ZBTB16: variants seen among roughly 807,000 people sequenced by gnomAD.
ZBTB16 encodes zinc finger and BTB domain containing 16, also known as zinc finger and BTB domain-containing protein 16.
A neutral mutation model predicts 56.8 loss-of-function variants in ZBTB16; 8 were observed. The observed-to-expected ratio is 0.14, with a 90% confidence interval of 0.08 to 0.25. ZBTB16 has a LOEUF of 0.25. Ranked by LOEUF, ZBTB16 falls within the 10% of genes least tolerant of loss-of-function variation. The pLI, the probability that ZBTB16 is intolerant of heterozygous loss-of-function variation, is 1.00. For missense variants in ZBTB16, 625 were observed against 903.0 expected (o/e 0.69, Z 3.95); for synonymous variants, 363 against 368.5 (o/e 0.98, Z 0.17).
chr11:114,232,750 C>T (rs553623279), intron 4 of ZBTB16, among the ~76,000 whole-genome samples: 2 of 149,996 alleles, frequency 1.3e-5, no homozygotes, highest in South Asian at 4.2e-4. Flanking sequence ...TGGGGGCCCC[C>T]GTGGTGCCAG....
At chr11:114,163,201 C>T (rs1471314086) in intron 3 of ZBTB16, among the ~76,000 whole-genome samples, 3 of 145,800 alleles carry the variant, frequency 2.1e-5, no homozygotes, top group African/African-American at 7.5e-5. Flanking sequence ...TCAGTCCCCC[C>T]CCAACCCCAC....
In ZBTB16 at chr11:114,092,169, C is replaced by T. The variant is rs576394368; in HGVS notation, c.1268+27601C>T. Reference sequence around the variant, plus strand: ...CACGGCCTCACTGAAACAGGAGACCCGAGAGGCTCCGGTGAAAGGGCACTG... The same window carrying T: ...CACGGCCTCACTGAAACAGGAGACCTGAGAGGCTCCGGTGAAAGGGCACTG... On this transcript the variant is annotated intron_variant, in intron 2 of 6. Transcript: ENST00000335953. Among the ~76,000 whole-genome samples the T allele has an allele frequency of 3.9e-5, 6 of 152,308 alleles. No homozygotes were observed. The South Asian group carries it at 6.2e-4, about 16-fold the overall frequency.
In ZBTB16 at chr11:114,064,372, G is replaced by A. The variant is rs142709090; in HGVS notation, c.1072G>A (p.Val358Met). The A allele has an allele frequency of 1.7e-3, 2,692 of 1,614,036 alleles. 5 individuals carry two copies. Among genetic ancestry groups the A allele is most frequent in the Non-Finnish European group, 2.0e-3 (2,388 of 1,180,022 alleles). Residue 358 changes from valine to methionine, a missense_variant, in exon 2 of 7, where the codon GTG becomes ATG. Coordinates refer to ENST00000335953, the MANE Select transcript of ZBTB16 (RefSeq NM_006006.6). This position sits in a 1 kb window ranked among gnomAD's most constrained non-coding sequence, Gnocchi z 4.2. ...MPSSVTSGLH[V>M]QPALAVSMDF... ...GTCTTCCGTGACCTCTGGCCTCCAC[G>A]TGCAGCCTGCCCTGGCTGTCTCCAT...
chr11:114,077,658 C>G (rs145237519), intron 2 of ZBTB16, among the ~76,000 whole-genome samples: 13 of 152,306 alleles, frequency 8.5e-5, no homozygotes, highest in Non-Finnish European at 1.5e-4. Flanking sequence ...GTTGCCTCAT[C>G]AGACGTGAAG....
At chr11:114,082,800 G>A (rs776760231) in intron 2 of ZBTB16, among the ~76,000 whole-genome samples, 5 of 152,102 alleles carry the variant, frequency 3.3e-5, no homozygotes, top group Non-Finnish European at 7.4e-5. Flanking sequence ...ATCAAAGGAA[G>A]TGACACTCTG....
At chr11:114,248,141 T>TC in intron 6 of ZBTB16, among the ~76,000 whole-genome samples, 1 of 152,222 alleles carries the variant, frequency 6.6e-6, no homozygotes, top group East Asian at 1.9e-4. Flanking sequence ...CTCAAGTGAT[T>TC]CACCCGCCTC....
chr11:114,243,905 T>A lies in ZBTB16; in HGVS notation c.1624+1568T>A, dbSNP rs113766674. Among the ~76,000 whole-genome samples, 568 of 152,290 alleles carry A rather than the reference T, an allele frequency of 3.7e-3. 2 individuals are homozygous for A. The highest frequency in any genetic ancestry group is 5.9e-3 in the Non-Finnish European group (402 of 68,022). On this transcript the variant is annotated intron_variant, in intron 5 of 6. Transcript: ENST00000335953. ...GATATGAAAATGTCACATGCTCTTGTGTCAGTCATGGCTCAGATCCACGGG... is the reference window on the plus strand; with the variant it reads ...GATATGAAAATGTCACATGCTCTTGAGTCAGTCATGGCTCAGATCCACGGG...
At position 114,074,000 on chromosome 11, in the gene ZBTB16, C is replaced by G. The variant is rs943974003; in HGVS notation, c.1268+9432C>G. On this transcript the variant is annotated intron_variant, in intron 2 of 6. Coordinates refer to ENST00000335953, the MANE Select transcript of ZBTB16 (RefSeq NM_006006.6). Reference sequence around the variant, plus strand: ...ATGGACTTGGGTTTGAATACTAGTGCTCCATGGTGAATTTGGGCAAATGAC... The same window carrying G: ...ATGGACTTGGGTTTGAATACTAGTGGTCCATGGTGAATTTGGGCAAATGAC... Among the ~76,000 whole-genome samples, 3 of 152,336 alleles carry G rather than the reference C, an allele frequency of 2.0e-5. No individual in the cohort carries two copies. The East Asian group carries it at 5.8e-4, about 29-fold the overall frequency.
chr11:114,074,129 A>G (rs1939452332), intron 2 of ZBTB16, among the ~76,000 whole-genome samples: 1 of 152,212 alleles, frequency 6.6e-6, no homozygotes, highest in Admixed American at 6.5e-5. Flanking sequence ...TGTAACCTAA[A>G]GCACACAGAG....
intron 6 of ZBTB16, among the ~76,000 whole-genome samples, chr11:114,248,273 G>A (rs1207731444): frequency 6.6e-6 from 1 of 152,180 alleles, no homozygotes; most frequent in Non-Finnish European, 1.5e-5. Flanking sequence ...ACAAGTGAAG[G>A]GTCTTCCACA....
intron 4 of ZBTB16, among the ~76,000 whole-genome samples, chr11:114,208,073 C>T (rs1565686279): frequency 6.6e-6 from 1 of 152,154 alleles, no homozygotes; most frequent in East Asian, 1.9e-4. Flanking sequence ...TTAATAGAGT[C>T]TTCTCAGCTC....
intron 2 of ZBTB16, among the ~76,000 whole-genome samples, chr11:114,090,044 T>C (rs1372970202): frequency 6.6e-6 from 1 of 152,202 alleles, no homozygotes. Context: ...ATAAGGGACA[T>C]ACGGAGGTCA....
intron 4 of ZBTB16, among the ~76,000 whole-genome samples, chr11:114,223,446 T>C (rs1248184636): frequency 1.3e-5 from 2 of 152,180 alleles, no homozygotes; most frequent in Non-Finnish European, 2.9e-5. Context: ...GAGTTGAAGT[T>C]GGTCAGAGTC....
chr11:114,235,658 C>CTT (rs1236832665), intron 4 of ZBTB16, among the ~76,000 whole-genome samples: 40 of 24,256 alleles, frequency 1.6e-3, no homozygotes, highest in Admixed American at 4.3e-3. Flanking sequence ...TTCTTTCTTT[C>CTT]TTTCTTTCTT....
chr11:114,074,359 A>G (rs1939461013), intron 2 of ZBTB16, among the ~76,000 whole-genome samples: 1 of 152,218 alleles, frequency 6.6e-6, no homozygotes, highest in Admixed American at 6.5e-5. Flanking sequence ...TCGGGCCCAC[A>G]GTGCTGGGGC....
chr11:114,100,814 T>C (rs1438603395), intron 2 of ZBTB16, among the ~76,000 whole-genome samples: 1 of 152,214 alleles, frequency 6.6e-6, no homozygotes, highest in African/African-American at 2.4e-5. Flanking sequence ...ACAGTGACTA[T>C]CAGAATCCTC....
intron 2 of ZBTB16, among the ~76,000 whole-genome samples, chr11:114,078,680 A>G (rs951553376): frequency 6.6e-6 from 1 of 152,146 alleles, no homozygotes; most frequent in Non-Finnish European, 1.5e-5. Context: ...AGATAGTGAA[A>G]TACAGCCCAG....
intron 3 of ZBTB16, among the ~76,000 whole-genome samples, chr11:114,172,896 C>T (rs988982114): frequency 6.6e-6 from 1 of 152,062 alleles, no homozygotes; most frequent in African/African-American, 2.4e-5. Flanking sequence ...GGAGGTGGTT[C>T]GTACTTAGAA....
chr11:114,145,195 A>G (rs1942068129), intron 2 of ZBTB16, among the ~76,000 whole-genome samples: 1 of 152,168 alleles, frequency 6.6e-6, no homozygotes, highest in Non-Finnish European at 1.5e-5. Flanking sequence ...GAAATTGGAA[A>G]CCTCATACAT....
Sources: allele counts gnomAD v4.1 joint callset (sites outside exome capture counted in the v4.1 genomes callset), GRCh38; gene constraint gnomAD v4.1.1; non-coding constraint Gnocchi (gnomAD v3.1); transcripts MANE v1.5; gene names NCBI Gene and HGNC (gene_info 2026-07-23, HGNC 2026-07-21).